Variants in RBFOX1 observed in about 807,000 individuals in gnomAD.
RBFOX1 encodes RNA binding fox-1 homolog 1.
Under a neutral mutation model 57.7 loss-of-function variants are expected in RBFOX1, and 8 were observed. The observed-to-expected ratio is 0.14, with a 90% CI of 0.08 to 0.25. RBFOX1 has a LOEUF of 0.25. RBFOX1 is among the 10% of genes least tolerant of loss of function. The pLI is 1.00. For missense variants in RBFOX1, 611 were observed against 548.5 expected, an observed-to-expected ratio of 1.11 and a Z score of -1.14; for synonymous variants, 326 against 222.4, an observed-to-expected ratio of 1.47 and a Z score of -4.15.
chr16:5,582,572 T>TTTTG lies in RBFOX1; in HGVS notation c.259-16330_259-16329insTTTG, dbSNP rs369563835. 7.5e-5 allele frequency among the ~76,000 whole-genome samples: 8 copies of TTTTG among 106,060 alleles called. 2 individuals carry two copies. Among genetic ancestry groups the TTTTG allele is most frequent in the African/African-American group, 7.7e-5 (2 of 25,904 alleles). 69.6% of individuals were successfully genotyped at this position (106,060 alleles called of 152,430 possible). ...CTTTTTTTTTTTTTTTTTTTTTTTT[T>TTTTG]AAACGGAGTCTTTGTTGCCCAGGCT... On this transcript the variant is annotated intron_variant, in intron 2 of 2. Transcript: ENST00000585867.
At chr16:7,323,680 G>A (rs2096574803) in intron 4 of RBFOX1, among the ~76,000 whole-genome samples, 2 of 152,160 alleles carry the variant, frequency 1.3e-5, no homozygotes, top group East Asian at 1.9e-4. Context: ...TACTTCATAG[G>A]AATGAAGAGG....
intron 1 of RBFOX1, among the ~76,000 whole-genome samples, chr16:5,319,887 A>G (rs143465932): frequency 1.9e-3 from 285 of 152,174 alleles, no homozygotes; most frequent in Non-Finnish European, 3.3e-3. Flanking sequence ...CTCTGTATCC[A>G]CCCAGCAGAG....
intron 2 of RBFOX1, among the ~76,000 whole-genome samples, chr16:6,331,391 G>A (rs936141101): frequency 6.6e-6 from 1 of 151,988 alleles, no homozygotes; most frequent in Non-Finnish European, 1.5e-5. Flanking sequence ...AGGTTGCAGT[G>A]AGCCAAGTTC....
intron 1 of RBFOX1, among the ~76,000 whole-genome samples, chr16:5,389,360 T>G (rs1271623026): frequency 6.6e-6 from 1 of 152,140 alleles, no homozygotes; most frequent in African/African-American, 2.4e-5. Flanking sequence ...TGGGGCTGGA[T>G]CATTCTGTTG....
At chr16:7,227,259 T>C (rs1397813166) in intron 4 of RBFOX1, among the ~76,000 whole-genome samples, 1 of 150,064 alleles carries the variant, frequency 6.7e-6, no homozygotes, top group Non-Finnish European at 1.5e-5. Flanking sequence ...CTCTCTGTTC[T>C]CACTGTCACA....
intron 3 of RBFOX1, among the ~76,000 whole-genome samples, chr16:7,000,808 T>C (rs1414077538): frequency 6.6e-6 from 1 of 152,018 alleles, no homozygotes; most frequent in African/African-American, 2.4e-5. Flanking sequence ...TTCACTGTGT[T>C]AGCCAGGATG....
chr16:5,825,393 C>T (rs1421486656), intron 3 of RBFOX1, among the ~76,000 whole-genome samples: 5 of 152,178 alleles, frequency 3.3e-5, no homozygotes, highest in African/African-American at 1.2e-4. Context: ...TGTATACAAT[C>T]ACAGCTCTTA....
At chr16:6,921,127 C>T (rs113861950) in intron 3 of RBFOX1, among the ~76,000 whole-genome samples, 59 of 152,254 alleles carry the variant, frequency 3.9e-4, no homozygotes, top group African/African-American at 1.4e-3. Flanking sequence ...TCCTAAACTC[C>T]CCCAGGCTGC....
At chr16:6,138,862 G>T (rs376558805) in intron 1 of RBFOX1, among the ~76,000 whole-genome samples, 5 of 152,020 alleles carry the variant, frequency 3.3e-5, no homozygotes, top group African/African-American at 1.2e-4. Flanking sequence ...GTGAGGCTCC[G>T]TCTCAAATAA....
At chr16:7,033,941 G>C (rs949055920) in intron 3 of RBFOX1, among the ~76,000 whole-genome samples, 1 of 152,174 alleles carries the variant, frequency 6.6e-6, no homozygotes, top group African/African-American at 2.4e-5. Flanking sequence ...TGCATTTCAG[G>C]CTGGGTGACC....
chr16:6,033,439 C>G lies in RBFOX1; in HGVS notation c.-127+13447C>G, dbSNP rs923415240. Among the ~76,000 whole-genome samples, 9 of 152,184 alleles carry G rather than the reference C, an allele frequency of 5.9e-5. 1 individual carries two copies. The highest frequency in any genetic ancestry group is 2.0e-4 in the Admixed American group (3 of 15,278). ...TTAGAGACAACTATTTTTATAGTTT[C>G]TCATGCACCCTTTCATATATATTTT... is the stretch of plus-strand genomic sequence containing the variant. On this transcript the variant is annotated intron_variant, in intron 1 of 15. Transcript: ENST00000550418.
At chr16:6,029,309 C>G (rs775906899) in intron 1 of RBFOX1, among the ~76,000 whole-genome samples, 1 of 152,208 alleles carries the variant, frequency 6.6e-6, no homozygotes, top group African/African-American at 2.4e-5. Flanking sequence ...CCACCCCATT[C>G]TATAAACTTA....
intron 2 of RBFOX1, among the ~76,000 whole-genome samples, chr16:6,424,132 G>A (rs961068344): frequency 4.6e-5 from 7 of 152,156 alleles, no homozygotes; most frequent in African/African-American, 1.2e-4. Context: ...CCAGCTACTC[G>A]GGAGGCTGAG....
At chr16:5,485,996 A>C (rs1029628600) in intron 2 of RBFOX1, among the ~76,000 whole-genome samples, 1 of 152,228 alleles carries the variant, frequency 6.6e-6, no homozygotes, top group Non-Finnish European at 1.5e-5. Flanking sequence ...CAGCCAGCTC[A>C]TAGTCAGAAT....
chr16:6,780,387 A>AT lies in RBFOX1; in HGVS notation c.-16+125739dup, dbSNP rs1555461246. On this transcript the variant is annotated intron_variant, in intron 3 of 15. Transcript: ENST00000550418. ...CATATTTATAGATATATTTATACAT[A>AT]TTATATATATTTTTATATATATTTA... is the stretch of plus-strand genomic sequence containing the variant. Among the ~76,000 whole-genome samples, 316 of 66,320 alleles carry AT rather than the reference A, an allele frequency of 4.8e-3. 13 individuals carry two copies. Among genetic ancestry groups the AT allele is most frequent in the South Asian group, 0.024 (40 of 1,698 alleles). The allele number at this position is 66,320 out of a possible 152,430, so 43.5% of individuals were successfully genotyped here. A position where few individuals can be genotyped will look rare whatever the true frequency, so the allele number is the denominator to read the frequency against.
chr16:5,525,578 T>G (rs1211827170), intron 2 of RBFOX1, among the ~76,000 whole-genome samples: 1 of 147,556 alleles, frequency 6.8e-6, no homozygotes, highest in African/African-American at 2.5e-5. Context: ...GCTCACTGCA[T>G]TCTCCACCTC....
At chr16:7,697,770 T>C (rs2079254939) in intron 14 of RBFOX1, among the ~76,000 whole-genome samples, 1 of 152,180 alleles carries the variant, frequency 6.6e-6, no homozygotes, top group Non-Finnish European at 1.5e-5. Context: ...TCACTCCAGA[T>C]GGAATTCTAC....
intron 4 of RBFOX1, among the ~76,000 whole-genome samples, chr16:7,195,109 C>G (rs1263167399): frequency 6.6e-6 from 1 of 152,156 alleles, no homozygotes; most frequent in Non-Finnish European, 1.5e-5. Flanking sequence ...AGTCTATCAA[C>G]ACCCTTAAGT....
chr16:6,233,983 A>T (rs779723099), intron 1 of RBFOX1, among the ~76,000 whole-genome samples: 1 of 152,204 alleles, frequency 6.6e-6, no homozygotes, highest in Non-Finnish European at 1.5e-5. Flanking sequence ...TCGAGGCAAT[A>T]GAAGGTTCCA....
Sources: gnomAD v4.1 joint callset for allele counts (sites outside exome capture counted in the v4.1 genomes callset) on GRCh38, gnomAD v4.1.1 for gene constraint, MANE v1.5 for transcripts, NCBI Gene and HGNC (gene_info 2026-07-23, HGNC 2026-07-21) for gene names.